Variants in COL4A2 observed in about 807,000 individuals in gnomAD.
The protein encoded by COL4A2 is collagen alpha-2(IV) chain.
Under a neutral mutation model 200.2 loss-of-function variants are expected in COL4A2, and 99 were observed. The observed-to-expected ratio is 0.49, with a 90% CI of 0.42 to 0.58. COL4A2 has a LOEUF of 0.58. COL4A2 is among the 20% of genes least tolerant of loss of function. The pLI is 0.00. For synonymous variants in COL4A2, 897 were observed against 900.6 expected, an observed-to-expected ratio of 1.00 and a Z score of 0.07; for missense variants, 1,950 against 2,314.1, an observed-to-expected ratio of 0.84 and a Z score of 3.23.
chr13:110,339,891 G>A lies in COL4A2; in HGVS notation c.100-17581G>A, dbSNP rs189253977. 1.1e-3 allele frequency among the ~76,000 whole-genome samples: 161 copies of A among 152,342 alleles called. 1 individual carries two copies. The highest frequency in any genetic ancestry group is 1.0e-4 in the Non-Finnish European group (7 of 68,036). Reference sequence around the variant, plus strand: ...AAATGGAACAATGGCACTCCATGAAGCTGTATAAACTCATAATGTATCCTG... The same window carrying A: ...AAATGGAACAATGGCACTCCATGAAACTGTATAAACTCATAATGTATCCTG... On this transcript the variant is annotated intron_variant, in intron 3 of 47. Coordinates refer to ENST00000360467, the MANE Select transcript of COL4A2 (RefSeq NM_001846.4).
intron 20 of COL4A2, among the ~76,000 whole-genome samples, chr13:110,454,909 G>A (rs544253434): frequency 2.6e-5 from 4 of 151,916 alleles, no homozygotes; most frequent in East Asian, 3.9e-4. Context: ...GGCCTCCTCC[G>A]TCCCCACCCC....
intron 3 of COL4A2, among the ~76,000 whole-genome samples, chr13:110,347,520 T>C (rs4771668): frequency 0.94 from 142,494 of 152,282 alleles, 67,406 homozygotes; most frequent in East Asian, 1. Flanking sequence ...TTCAGCATCC[T>C]GGGTTCTCAG....
chr13:110,319,931 G>A (rs1885235149), intron 3 of COL4A2, among the ~76,000 whole-genome samples: 1 of 152,208 alleles, frequency 6.6e-6, no homozygotes, highest in South Asian at 2.1e-4. Context: ...AATCTTAACA[G>A]CAAGTAGGCC....
At chr13:110,344,138 T>C (rs1186945951) in intron 3 of COL4A2, among the ~76,000 whole-genome samples, 1 of 152,224 alleles carries the variant, frequency 6.6e-6, no homozygotes, top group African/African-American at 2.4e-5. Flanking sequence ...TATGTAAGGG[T>C]ATTTATTCTA....
At chr13:110,332,382 T>G (rs945470883) in intron 3 of COL4A2, among the ~76,000 whole-genome samples, 1 of 152,202 alleles carries the variant, frequency 6.6e-6, no homozygotes, top group African/African-American at 2.4e-5. Context: ...TTCCAAGTCC[T>G]CCTCATCTTT....
chr13:110,446,968 T>A, intron 18 of COL4A2, 104 bp downstream of exon 18: 1 of 837,314 alleles, frequency 1.2e-6, no homozygotes, highest in Non-Finnish European at 1.8e-6. Flanking sequence ...TAAGCAACCC[T>A]AAAACTTAAA....
At chr13:110,396,189 G>A (rs551908570) in intron 4 of COL4A2, among the ~76,000 whole-genome samples, 2 of 152,128 alleles carry the variant, frequency 1.3e-5, no homozygotes, top group East Asian at 1.9e-4. Flanking sequence ...TTAACATCTT[G>A]TATTAGCGTG....
chr13:110,411,015 C>T (rs900106499), intron 4 of COL4A2, among the ~76,000 whole-genome samples: 3 of 152,204 alleles, frequency 2.0e-5, no homozygotes, highest in East Asian at 1.9e-4. Flanking sequence ...GCCTTCTTCT[C>T]GATGCTCTTA....
chr13:110,410,640 T>C (rs1238159245), intron 4 of COL4A2, among the ~76,000 whole-genome samples: 2 of 152,236 alleles, frequency 1.3e-5, no homozygotes, highest in Non-Finnish European at 2.9e-5. Context: ...TTTTGTTTTC[T>C]TCACGACAAA....
chr13:110,321,100 T>A (rs188417478), intron 3 of COL4A2, among the ~76,000 whole-genome samples: 6 of 152,148 alleles, frequency 3.9e-5, no homozygotes, highest in Admixed American at 6.5e-5. Flanking sequence ...AAACACAGTG[T>A]TGATAAACTA....
intron 3 of COL4A2, among the ~76,000 whole-genome samples, chr13:110,335,756 A>T (rs2139366321): frequency 6.6e-6 from 1 of 152,304 alleles, no homozygotes; most frequent in Admixed American, 6.5e-5. Flanking sequence ...CAAACTGAAG[A>T]AGATAAAATT....
chr13:110,364,833 A>T (rs1456807460), intron 4 of COL4A2, among the ~76,000 whole-genome samples: 1 of 152,210 alleles, frequency 6.6e-6, no homozygotes, highest in African/African-American at 2.4e-5. Context: ...TCAGTATGGT[A>T]ACTGCTAGGC....
Position 110,512,352 on chromosome 13 carries a change from G to T in COL4A2, c.*161G>T. On this transcript the variant is annotated 3_prime_UTR_variant, in exon 48 of 48. Transcript: ENST00000360467. ...CTTAGACCTGCCAGCCACTGTCACC[G>T]AGCGGGTGCAAGCACTCGGGGTCCC... is the stretch of plus-strand genomic sequence containing the variant. 3.9e-6 allele frequency: 5 copies of T among 1,270,264 alleles called. No individual in the cohort carries two copies. The highest frequency in any genetic ancestry group is 5.3e-6 in the Non-Finnish European group (5 of 951,492). 78.7% of individuals were successfully genotyped at this position (1,270,264 alleles called of 1,614,324 possible).
chr13:110,363,722 T>C (rs747689549), intron 4 of COL4A2, among the ~76,000 whole-genome samples: 11 of 152,214 alleles, frequency 7.2e-5, no homozygotes, highest in Non-Finnish European at 1.0e-4. Context: ...TCTTCTATTG[T>C]GTATTGCCGT....
At chr13:110,479,277 GCTC>G (rs1243570002) in intron 30 of COL4A2, among the ~76,000 whole-genome samples, 1 of 151,574 alleles carries the variant, frequency 6.6e-6, no homozygotes, top group Non-Finnish European at 1.5e-5. Flanking sequence ...ACATTAAAAG[GCTC>G]CCACTTGGCC....
At chr13:110,393,102 G>T (rs1594188595) in intron 4 of COL4A2, among the ~76,000 whole-genome samples, 1 of 152,220 alleles carries the variant, frequency 6.6e-6, no homozygotes, top group African/African-American at 2.4e-5. Flanking sequence ...CGGTGGTGCT[G>T]AAGGCAACAG....
intron 4 of COL4A2, among the ~76,000 whole-genome samples, chr13:110,374,116 G>A (rs778343904): frequency 6.6e-6 from 1 of 152,128 alleles, no homozygotes; most frequent in Non-Finnish European, 1.5e-5. Context: ...ACGATGGCCC[G>A]TTGGGTCAGC....
intron 4 of COL4A2, among the ~76,000 whole-genome samples, chr13:110,371,682 C>T (rs1878014544): frequency 1.3e-5 from 2 of 152,250 alleles, no homozygotes; most frequent in East Asian, 1.9e-4. Context: ...AACCATCAGG[C>T]GCTCTCCACG....
chr13:110,325,077 C>T (rs1239891338), intron 3 of COL4A2, among the ~76,000 whole-genome samples: 1 of 152,216 alleles, frequency 6.6e-6, no homozygotes, highest in East Asian at 1.9e-4. Context: ...GGCATCGTAA[C>T]TGACTGTATG....
Sources: gnomAD v4.1 joint callset for allele counts (sites outside exome capture counted in the v4.1 genomes callset) on GRCh38, gnomAD v4.1.1 for gene constraint, MANE v1.5 for transcripts, NCBI Gene and HGNC (gene_info 2026-07-23, HGNC 2026-07-21) for gene names.